SYNPR: variants seen among roughly 807,000 people sequenced by gnomAD.
SYNPR encodes the protein synaptoporin.
SYNPR carries 23 observed loss-of-function variants against 32.9 expected under a neutral mutation model. The ratio of observed to expected loss-of-function variants is 0.70; its 90% CI spans 0.50 to 0.99. The LOEUF is 0.99. SYNPR is among the 50% of genes least tolerant of loss of function. SYNPR has a pLI of 0.00. For missense variants in SYNPR, 318 were observed against 349.3 expected (o/e 0.91, Z 0.71); for synonymous variants, 146 against 135.9 (o/e 1.07, Z -0.52).
At chr3:63,389,502 C>G (rs1000119491) in intron 2 of SYNPR, among the ~76,000 whole-genome samples, 5 of 152,180 alleles carry the variant, frequency 3.3e-5, no homozygotes, top group Admixed American at 6.5e-5. Flanking sequence ...GACTGATACT[C>G]TTTGGTTTTT....
chr3:63,211,567 T>C, the SYNPR span, among the ~76,000 whole-genome samples: 1 of 152,202 alleles, frequency 6.6e-6, no homozygotes, highest in Admixed American at 6.5e-5. Context: ...TCTGCCTCGG[T>C]AGATGACAAG....
intron 3 of SYNPR, among the ~76,000 whole-genome samples, chr3:63,485,232 G>C (rs1391797380): frequency 6.6e-6 from 1 of 151,958 alleles, no homozygotes; most frequent in Non-Finnish European, 1.5e-5. Flanking sequence ...ATGAATGAAA[G>C]GGGTCACTGA....
chr3:63,263,742 C>T (rs2086458621), intron 2 of SYNPR, among the ~76,000 whole-genome samples: 1 of 152,130 alleles, frequency 6.6e-6, no homozygotes, highest in South Asian at 2.1e-4. Flanking sequence ...TTCTTCTTAC[C>T]CTGGCTGTGC....
intron 2 of SYNPR, among the ~76,000 whole-genome samples, chr3:63,476,654 G>A (rs778521971): frequency 1.2e-4 from 18 of 152,196 alleles, no homozygotes; most frequent in Non-Finnish European, 2.2e-4. Flanking sequence ...CCTAACTTGG[G>A]AAGTCTAGAG....
intron 2 of SYNPR, among the ~76,000 whole-genome samples, chr3:63,374,926 C>A (rs1292681011): frequency 1.3e-5 from 2 of 152,182 alleles, no homozygotes; most frequent in Admixed American, 1.3e-4. Context: ...GGCCTCTGTT[C>A]TGTTCCATTG....
intron 2 of SYNPR, chr3:63,351,718 C>T (rs901172819): frequency 6.6e-6 from 1 of 152,060 alleles, no homozygotes; most frequent in Admixed American, 6.6e-5. Flanking sequence ...ATTTCATTTA[C>T]TGAATAATAT....
At chr3:63,218,849 A>G in the SYNPR span, among the ~76,000 whole-genome samples, 2 of 152,212 alleles carry the variant, frequency 1.3e-5, no homozygotes, top group Non-Finnish European at 2.9e-5. Flanking sequence ...CTGCGGCTAA[A>G]CAAGTGTGAG....
intron 2 of SYNPR, among the ~76,000 whole-genome samples, chr3:63,360,694 C>A (rs1244833560): frequency 6.6e-6 from 1 of 152,126 alleles, no homozygotes; most frequent in East Asian, 1.9e-4. Context: ...TTCTAACTCC[C>A]CTTGGCCTAG....
intron 4 of SYNPR, among the ~76,000 whole-genome samples, chr3:63,564,385 C>T (rs753492830): frequency 8.7e-4 from 132 of 151,630 alleles, no homozygotes; most frequent in Non-Finnish European, 1.6e-3. Context: ...TTAGTAGAGA[C>T]GGGGTTTCAC....
chr3:63,415,623 T>G lies in SYNPR; in HGVS notation c.85-65209T>G, dbSNP rs193213161. ...CAATATGTAACCAAATCAACGCGGC[T>G]GTTTTCCAATAAAAATTCAAGAAAA... is the stretch of plus-strand genomic sequence containing the variant. On this transcript the variant is annotated intron_variant, in intron 2 of 5. Coordinates refer to ENST00000478300, the MANE Select transcript of SYNPR (RefSeq NM_001130003.2). Among the ~76,000 whole-genome samples the G allele has an allele frequency of 8.7e-3, 1,327 of 152,334 alleles. 7 individuals carry two copies. Among genetic ancestry groups the G allele is most frequent in the Middle Eastern group, 0.014 (4 of 294 alleles).
At position 63,393,737 on chromosome 3, in the gene SYNPR, C is replaced by T. The variant is rs144396911; in HGVS notation, c.85-87095C>T. The stretch of plus-strand genomic sequence containing the variant: ...TGTTGCTCAGGGTGGTCTTGAGCTC[C>T]GTGCCTCAAGCAATCCTCCCACCTC... On this transcript the variant is annotated intron_variant, in intron 2 of 5. Coordinates refer to ENST00000478300, the MANE Select transcript of SYNPR (RefSeq NM_001130003.2). Among the ~76,000 whole-genome samples the T allele has an allele frequency of 1.2e-3, 177 of 152,024 alleles. 1 individual carries two copies. Among genetic ancestry groups the T allele is most frequent in the African/African-American group, 4.2e-3 (173 of 41,436 alleles).
At chr3:63,501,962 A>G (rs1413788721) in intron 3 of SYNPR, among the ~76,000 whole-genome samples, 3 of 152,202 alleles carry the variant, frequency 2.0e-5, no homozygotes, top group Non-Finnish European at 4.4e-5. Context: ...GGTATGCTGT[A>G]AGTGTAAAAT....
At chr3:63,570,758 T>G (rs1702872323) in intron 4 of SYNPR, among the ~76,000 whole-genome samples, 1 of 152,216 alleles carries the variant, frequency 6.6e-6, no homozygotes, top group Non-Finnish European at 1.5e-5. Context: ...GCACTTTCAT[T>G]GGATGTGGTT....
At chr3:63,451,973 A>G in intron 2 of SYNPR, 1 of 650,428 alleles carries the variant, frequency 1.5e-6, no homozygotes, top group South Asian at 1.8e-5. Context: ...AAACTCCTCA[A>G]CTTCTGAGGC....
chr3:63,462,610 T>C (rs1370286462), intron 2 of SYNPR, among the ~76,000 whole-genome samples: 1 of 152,160 alleles, frequency 6.6e-6, no homozygotes, highest in Non-Finnish European at 1.5e-5. Flanking sequence ...ACTAGCTTCC[T>C]AAAGTCATTG....
chr3:63,366,698 A>G (rs1451307), intron 2 of SYNPR, among the ~76,000 whole-genome samples: 113,220 of 152,114 alleles, frequency 0.74, 42,905 homozygotes, highest in East Asian at 0.94. Flanking sequence ...TACAATGAGT[A>G]GTCCTGAGTA....
chr3:63,373,969 T>C (rs2087851373), intron 2 of SYNPR, among the ~76,000 whole-genome samples: 1 of 152,144 alleles, frequency 6.6e-6, no homozygotes, highest in South Asian at 2.1e-4. Context: ...GAATTTAATA[T>C]TCAGTCAAAC....
intron 2 of SYNPR, among the ~76,000 whole-genome samples, chr3:63,398,470 C>T (rs2088245927): frequency 6.6e-6 from 1 of 151,944 alleles, no homozygotes; most frequent in Admixed American, 6.6e-5. Flanking sequence ...CCTGTAATCC[C>T]AGCACTTTGG....
chr3:63,448,083 A>T (rs1700311174), intron 2 of SYNPR, among the ~76,000 whole-genome samples: 1 of 152,140 alleles, frequency 6.6e-6, no homozygotes, highest in Non-Finnish European at 1.5e-5. Context: ...AGCCCACTGC[A>T]ACCTCAGCCT....
Sources: allele counts gnomAD v4.1 joint callset (sites outside exome capture counted in the v4.1 genomes callset), GRCh38; gene constraint gnomAD v4.1.1; transcripts MANE v1.5; gene names NCBI Gene and HGNC (gene_info 2026-07-23, HGNC 2026-07-21).